The following ADGRL2 variants were observed in gnomAD, a reference collection of about 807,000 sequenced individuals.
The protein encoded by ADGRL2 is calcium-independent alpha-latrotoxin receptor 2.
ADGRL2 carries 44 observed loss-of-function variants against 157.4 expected under a neutral mutation model. The ratio of observed to expected loss-of-function variants is 0.28; its 90% CI spans 0.22 to 0.36. The LOEUF (loss-of-function observed/expected upper bound fraction) is 0.36. ADGRL2 is among the 10% of genes least tolerant of loss of function. The pLI is 1.00. For synonymous variants in ADGRL2, 585 were observed against 624.7 expected (o/e 0.94, Z 0.95); for missense variants, 1,510 against 1,768.9 (o/e 0.85, Z 2.63).
At chr1:81,437,170 G>T (rs1487808242) in intron 1 of ADGRL2, among the ~76,000 whole-genome samples, 1 of 152,310 alleles carries the variant, frequency 6.6e-6, no homozygotes, top group Non-Finnish European at 1.5e-5. Flanking sequence ...AATCGCTGTT[G>T]CTGCCTCACT....
At chr1:81,673,825 T>C (rs1439983533) in intron 3 of ADGRL2, among the ~76,000 whole-genome samples, 2 of 152,142 alleles carry the variant, frequency 1.3e-5, no homozygotes, top group African/African-American at 4.8e-5. Context: ...CCTCTTCTAG[T>C]TTTTTAAAAA....
intron 1 of ADGRL2, among the ~76,000 whole-genome samples, chr1:81,371,397 T>A (rs2076158073): frequency 6.6e-6 from 1 of 152,154 alleles, no homozygotes; most frequent in African/African-American, 2.4e-5. Flanking sequence ...GAAAGAAAAG[T>A]ATCAATAAAA....
intron 2 of ADGRL2, among the ~76,000 whole-genome samples, chr1:81,780,216 A>G (rs1228589159): frequency 6.6e-6 from 1 of 152,190 alleles, no homozygotes; most frequent in Admixed American, 6.5e-5. Flanking sequence ...TGATTGAATT[A>G]TAATTAAAAT....
intron 2 of ADGRL2, among the ~76,000 whole-genome samples, chr1:81,905,496 G>A (rs1394586155): frequency 6.6e-6 from 1 of 152,148 alleles, no homozygotes; most frequent in Non-Finnish European, 1.5e-5. Context: ...TTCCCAAATA[G>A]GTTTCAAAAG....
intron 3 of ADGRL2, among the ~76,000 whole-genome samples, chr1:81,911,210 G>A (rs940640290): frequency 6.6e-6 from 1 of 152,186 alleles, no homozygotes; most frequent in East Asian, 1.9e-4. Context: ...TAAGTATTCT[G>A]AGAGGCTCAT....
intron 1 of ADGRL2, among the ~76,000 whole-genome samples, chr1:81,826,864 A>G (rs1455619761): frequency 1.3e-5 from 2 of 152,190 alleles, no homozygotes; most frequent in East Asian, 3.8e-4. Context: ...AAAAATTTGT[A>G]ACCTTCTCCA....
intron 3 of ADGRL2, among the ~76,000 whole-genome samples, chr1:81,604,632 C>G (rs77252683): frequency 6.6e-6 from 1 of 152,120 alleles, no homozygotes; most frequent in African/African-American, 2.4e-5. Flanking sequence ...AAAATCAAGA[C>G]AGTCATGGGC....
intron 1 of ADGRL2, among the ~76,000 whole-genome samples, chr1:81,807,979 C>T (rs2089380611): frequency 6.6e-6 from 1 of 151,036 alleles, no homozygotes; most frequent in Non-Finnish European, 1.5e-5. Context: ...TTACAAAAAA[C>T]CTCCTATATT....
intron 2 of ADGRL2, among the ~76,000 whole-genome samples, chr1:81,879,169 G>A (rs284230): frequency 0.92 from 140,546 of 152,240 alleles, 64,959 homozygotes; most frequent in African/African-American, 0.97. Context: ...GTAACATTGT[G>A]CATTTAGAAA....
intron 2 of ADGRL2, among the ~76,000 whole-genome samples, chr1:81,893,147 C>G (rs1359808583): frequency 6.6e-6 from 1 of 152,090 alleles, no homozygotes; most frequent in East Asian, 1.9e-4. Context: ...TGCATACTGG[C>G]ATGAATTAGA....
chr1:81,719,235 C>T (rs925614092), intron 1 of ADGRL2, among the ~76,000 whole-genome samples: 9 of 152,174 alleles, frequency 5.9e-5, no homozygotes, highest in Non-Finnish European at 8.8e-5. Context: ...AGAACTACTA[C>T]GTAAGAAAGA....
chr1:81,712,947 A>G (rs1184983469), intron 1 of ADGRL2, among the ~76,000 whole-genome samples: 1 of 151,822 alleles, frequency 6.6e-6, no homozygotes, highest in Admixed American at 6.6e-5. Flanking sequence ...AAATAGGGAC[A>G]GCATTTCACC....
intron 1 of ADGRL2, among the ~76,000 whole-genome samples, chr1:81,322,752 T>C (rs761679392): frequency 3.6e-4 from 55 of 152,236 alleles, no homozygotes; most frequent in Middle Eastern, 6.8e-3. Flanking sequence ...AACCATGTCA[T>C]ACGGGGAACA....
At chr1:81,500,223 G>A (rs753673840) in intron 2 of ADGRL2, among the ~76,000 whole-genome samples, 1 of 152,206 alleles carries the variant, frequency 6.6e-6, no homozygotes, top group African/African-American at 2.4e-5. Flanking sequence ...AATGGGAGCA[G>A]CTACTGTGGA....
At chr1:81,902,462 G>A (rs1043574705) in intron 2 of ADGRL2, among the ~76,000 whole-genome samples, 1 of 152,094 alleles carries the variant, frequency 6.6e-6, no homozygotes, top group East Asian at 1.9e-4. Context: ...GCCGGTCATG[G>A]TGGTGCGCAC....
rs959631210 is a variant in ADGRL2, at chr1:81,400,908, G to A, written c.-301-44128G>A. Among the ~76,000 whole-genome samples, 4 of 152,260 alleles carry A rather than the reference G, an allele frequency of 2.6e-5. No individual in the cohort carries two copies. The South Asian group carries it at 8.3e-4, about 32-fold the overall frequency. ...AGGGCTCTGTTTCCCAGGGATGTGA[G>A]GTACTGCATCAGCTCAGCCCTAGGA... On this transcript the variant is annotated intron_variant, in intron 1 of 24. Coordinates refer to the ADGRL2 transcript ENST00000370721.
At chr1:81,747,307 A>ATT (rs369526684) in intron 1 of ADGRL2, among the ~76,000 whole-genome samples, 65 of 143,548 alleles carry the variant, frequency 4.5e-4, no homozygotes, top group South Asian at 6.5e-4. Context: ...ATATATATAT[A>ATT]TTTTTTTTTT....
intron 2 of ADGRL2, among the ~76,000 whole-genome samples, chr1:81,458,851 A>T (rs1428772540): frequency 6.6e-6 from 1 of 152,142 alleles, no homozygotes; most frequent in African/African-American, 2.4e-5. Flanking sequence ...GTGAACAGGG[A>T]CGTGTTACAG....
At chr1:81,793,736 A>T (rs2149427882) in intron 2 of ADGRL2, among the ~76,000 whole-genome samples, 1 of 152,206 alleles carries the variant, frequency 6.6e-6, no homozygotes, top group Middle Eastern at 3.4e-3. Flanking sequence ...ATCATCTCAA[A>T]TCTACACCTG....
Sources: gnomAD v4.1 joint callset for allele counts (sites outside exome capture counted in the v4.1 genomes callset) on GRCh38, gnomAD v4.1.1 for gene constraint, MANE v1.5 for transcripts, NCBI Gene and HGNC (gene_info 2026-07-23, HGNC 2026-07-21) for gene names.